DST: variants seen among roughly 807,000 people sequenced by gnomAD.
DST encodes the protein bullous pemphigoid antigen.
DST carries 253 observed loss-of-function variants against 875.2 expected under a neutral mutation model. That is an observed-to-expected ratio of 0.29 (90% CI 0.26 to 0.32). DST has a LOEUF of 0.32. Ranked by LOEUF, DST falls within the 10% of genes least tolerant of loss-of-function variation. DST has a pLI of 1.00. For missense variants in DST, 8,287 were observed against 9,111.6 expected (o/e 0.91, Z 3.68); for synonymous variants, 3,124 against 3,197.1 (o/e 0.98, Z 0.77).
intron 4 of DST, among the ~76,000 whole-genome samples, chr6:56,783,164 T>A (rs570293150): frequency 2.6e-5 from 4 of 152,200 alleles, no homozygotes; most frequent in Non-Finnish European, 5.9e-5. Context: ...AGTTTTGGAA[T>A]AGGTGTGGTG....
At chr6:56,635,355 GCACA>G (rs541249771) in intron 24 of DST, among the ~76,000 whole-genome samples, 3 of 150,712 alleles carry the variant, frequency 2.0e-5, no homozygotes, top group Non-Finnish European at 4.4e-5. Flanking sequence ...ACACACACGT[GCACA>G]CACACACACA....
chr6:56,654,604 A>ATATC (rs2098995371), intron 10 of DST, among the ~76,000 whole-genome samples: 1 of 150,314 alleles, frequency 6.7e-6, no homozygotes, highest in African/African-American at 2.5e-5. Flanking sequence ...ATATATATAT[A>ATATC]TCTCCACACG....
At chr6:56,713,401 AAC>A (rs140642046) in intron 5 of DST, among the ~76,000 whole-genome samples, 3 of 151,640 alleles carry the variant, frequency 2.0e-5, no homozygotes, top group Non-Finnish European at 3.0e-5. Context: ...CTATAATCTC[AAC>A]ACACACACAC....
intron 3 of DST, among the ~76,000 whole-genome samples, chr6:56,899,276 C>A (rs1252456352): frequency 1.3e-5 from 2 of 152,164 alleles, no homozygotes; most frequent in African/African-American, 4.8e-5. Flanking sequence ...TTTCATATTT[C>A]TCTGCATAGA....
At position 56,506,424 on chromosome 6, in the gene DST, T is replaced by C. The variant is rs2096315573; in HGVS notation, c.19464+19A>G. On this transcript the variant is annotated intron_variant, in intron 77 of 103. Coordinates refer to ENST00000680361, the MANE Select transcript of DST (RefSeq NM_001374736.1). ...CCTCCTTCCAGCTAAGACCAGCACA[T>C]ACACTGTAATCCCCTTACCTGCAGT... is the stretch of plus-strand genomic sequence containing the variant. 8.2e-6 allele frequency: 13 copies of C among 1,593,766 alleles called. No homozygotes were observed. The highest frequency in any genetic ancestry group is 1.1e-5 in the Non-Finnish European group (13 of 1,165,382).
At chr6:56,869,194 G>T (rs1322627519) in intron 3 of DST, among the ~76,000 whole-genome samples, 2 of 152,038 alleles carry the variant, frequency 1.3e-5, no homozygotes, top group African/African-American at 4.8e-5. Context: ...ACAAGGCAAG[G>T]GTTTCTCAGA....
chr6:56,875,236 A>G (rs564792525), intron 3 of DST, among the ~76,000 whole-genome samples: 1 of 152,248 alleles, frequency 6.6e-6, no homozygotes, highest in Admixed American at 6.5e-5. Context: ...CGCCCGCCTC[A>G]GCCTCCCAAA....
At chr6:56,629,520 C>T (rs2098759915) in intron 31 of DST, 77 bp from the exon 32 acceptor site, 3 of 1,102,518 alleles carry the variant, frequency 2.7e-6, no homozygotes, top group African/African-American at 1.6e-5. Context: ...CCTAATTTTA[C>T]AATTTATTTA....
intron 4 of DST, among the ~76,000 whole-genome samples, chr6:56,790,483 T>C (rs75066725): frequency 0.04 from 6,162 of 152,280 alleles, 425 homozygotes; most frequent in African/African-American, 0.14. Flanking sequence ...TAAAGCCTAT[T>C]ATTAATCTCA....
intron 45 of DST, among the ~76,000 whole-genome samples, chr6:56,599,276 T>C (rs1180751541): frequency 6.6e-6 from 1 of 152,098 alleles, no homozygotes; most frequent in Admixed American, 6.6e-5. Context: ...TAGTTTTTCC[T>C]CTTCTTTTCC....
chr6:56,770,012 A>G (rs1261694636), intron 4 of DST, among the ~76,000 whole-genome samples: 1 of 152,194 alleles, frequency 6.6e-6, no homozygotes, highest in South Asian at 2.1e-4. Flanking sequence ...TTTTGGCTAA[A>G]GAGTTATTTA....
At chr6:56,627,323 G>T (rs370498103) in intron 33 of DST, 36 bp from the exon 34 acceptor site, 2 of 1,440,954 alleles carry the variant, frequency 1.4e-6, no homozygotes, top group Non-Finnish European at 9.8e-7. Context: ...AAAATGACAA[G>T]GAATTCAGCT....
At chr6:56,877,155 C>T (rs1478616678) in intron 3 of DST, among the ~76,000 whole-genome samples, 5 of 152,208 alleles carry the variant, frequency 3.3e-5, no homozygotes, top group Non-Finnish European at 2.9e-5. Context: ...AAAGAATGTT[C>T]CCTGACTGTG....
intron 3 of DST, among the ~76,000 whole-genome samples, chr6:56,882,686 A>T (rs1348912367): frequency 6.6e-6 from 1 of 152,230 alleles, no homozygotes; most frequent in Non-Finnish European, 1.5e-5. Flanking sequence ...TAAGCAACTC[A>T]ATATCTTGCA....
chr6:56,583,359 T>C (rs1336373946), intron 49 of DST, among the ~76,000 whole-genome samples: 2 of 152,162 alleles, frequency 1.3e-5, no homozygotes, highest in Admixed American at 6.5e-5. Flanking sequence ...ATGATGAGCG[T>C]TTTTTCATGT....
intron 36 of DST, chr6:56,615,312 G>T: frequency 7.3e-7 from 1 of 1,372,788 alleles, no homozygotes; most frequent in Non-Finnish European, 9.4e-7. Flanking sequence ...AAGGCTAAAT[G>T]AAACCATTTG....
At position 56,561,534 on chromosome 6, in the gene DST, T is replaced by C; in HGVS notation, c.14084A>G (p.Lys4695Arg). The C allele has an allele frequency of 6.2e-7, 1 of 1,612,966 alleles. No homozygotes were observed. Among genetic ancestry groups the C allele is most frequent in the Non-Finnish European group, 8.5e-7 (1 of 1,179,410 alleles). ...FWANKGLTSI[K>R]KDMTDISHGY... ...ATGACTTATGTCAGTCATGTCCTTT[T>C]TAATGGATGTTAAACCTAGGAGTAA... Residue 4695 changes from lysine (K) to arginine (R), a missense_variant, in exon 57 of 104, where the codon AAA (lysine) becomes AGA (arginine). This residue lies in a region of DST where 1,513 missense variants were observed against 1,677.8 expected (regional missense o/e 0.90). Coordinates refer to ENST00000680361, the MANE Select transcript of DST (RefSeq NM_001374736.1).
chr6:56,529,328 T>TAAA, intron 66 of DST, 120 bp downstream of exon 66: 1 of 878,106 alleles, frequency 1.1e-6, no homozygotes, highest in Non-Finnish European at 1.6e-6. Flanking sequence ...TAAACAGTCT[T>TAAA]TTTTTAAGTA....
chr6:56,735,895 C>A (rs1472080610), intron 4 of DST, among the ~76,000 whole-genome samples: 1 of 152,180 alleles, frequency 6.6e-6, no homozygotes, highest in East Asian at 1.9e-4. Flanking sequence ...CTCTGTCACC[C>A]AGGCTGGAGT....
Sources: gnomAD v4.1 joint callset for allele counts (sites outside exome capture counted in the v4.1 genomes callset) on GRCh38, gnomAD v4.1.1 for gene constraint, gnomAD v4.1.1 regional missense constraint, MANE v1.5 for transcripts, NCBI Gene and HGNC (gene_info 2026-07-23, HGNC 2026-07-21) for gene names.